The following PPARG variants were observed in gnomAD, a reference collection of about 807,000 sequenced individuals.
The protein encoded by PPARG is peroxisome proliferator activated receptor gamma.
Under a neutral mutation model 39.2 loss-of-function variants are expected in PPARG, and 17 were observed. The observed-to-expected ratio is 0.43, with a 90% CI of 0.30 to 0.65. The LOEUF is 0.65. Among genes scored for constraint, PPARG ranks in the 30% least tolerant of loss-of-function variants. PPARG has a pLI of 0.13. For missense variants in PPARG, 406 were observed against 585.9 expected (o/e 0.69, Z 3.17); for synonymous variants, 223 against 215.7 (o/e 1.03, Z -0.30).
At chr3:12,401,291 GATAGAA>G (rs2050459873) in intron 5 of PPARG, among the ~76,000 whole-genome samples, 3 of 152,256 alleles carry the variant, frequency 2.0e-5, no homozygotes, top group Middle Eastern at 6.8e-3. Context: ...AAGATGGAAA[GATAGAA>G]ATAGAGATAG....
intron 2 of PPARG, among the ~76,000 whole-genome samples, chr3:12,321,681 G>A (rs929537864): frequency 2.0e-5 from 3 of 151,974 alleles, no homozygotes; most frequent in African/African-American, 7.3e-5. Flanking sequence ...CTCTGTGGTC[G>A]GCCCAGCCTA....
rs144494451 is a variant in PPARG at position 12,338,277 on chromosome 3, C to T, written c.-9+25824C>T. 2.0e-5 allele frequency among the ~76,000 whole-genome samples: 3 copies of T among 152,318 alleles called. No homozygotes were observed. The East Asian group carries it at 5.8e-4, about 29-fold the overall frequency. The stretch of plus-strand genomic sequence containing the variant: ...TAATAAATGTTTTGTAACCATGACA[C>T]TGATGAGCTGTGTTTTAGACCTAGC... On this transcript the variant is annotated intron_variant, in intron 2 of 7. Coordinates refer to ENST00000651735, the MANE Select transcript of PPARG (RefSeq NM_138711.6).
At chr3:12,346,643 C>CT (rs930351699) in intron 2 of PPARG, among the ~76,000 whole-genome samples, 8 of 149,330 alleles carry the variant, frequency 5.4e-5, no homozygotes, top group Non-Finnish European at 8.9e-5. Flanking sequence ...TTATTGGCTT[C>CT]TTTTTTTTTA....
At chr3:12,292,516 A>G (rs2046672548) in intron 1 of PPARG, among the ~76,000 whole-genome samples, 1 of 152,226 alleles carries the variant, frequency 6.6e-6, no homozygotes, top group Non-Finnish European at 1.5e-5. Flanking sequence ...AGCACTCACC[A>G]AAAAATAGTG....
At chr3:12,430,114 T>C (rs942003179) in intron 7 of PPARG, among the ~76,000 whole-genome samples, 1 of 152,234 alleles carries the variant, frequency 6.6e-6, no homozygotes, top group Non-Finnish European at 1.5e-5. Flanking sequence ...CACTCTGCCA[T>C]CTCACATTGT....
chr3:12,323,086 G>C (rs1253166015), intron 2 of PPARG, among the ~76,000 whole-genome samples: 2 of 152,124 alleles, frequency 1.3e-5, no homozygotes, highest in Non-Finnish European at 1.5e-5. Context: ...GATTATGGGC[G>C]TGAGCCACTG....
At chr3:12,367,997 CT>C (rs1322463655) in intron 2 of PPARG, among the ~76,000 whole-genome samples, 3 of 151,882 alleles carry the variant, frequency 2.0e-5, no homozygotes, top group South Asian at 2.1e-4. Flanking sequence ...AAATTTGCAT[CT>C]AAAGATACAT....
At chr3:12,366,523 A>C (rs111502192) in intron 2 of PPARG, among the ~76,000 whole-genome samples, 7 of 152,192 alleles carry the variant, frequency 4.6e-5, no homozygotes, top group African/African-American at 1.7e-4. Context: ...CTTATTCCTA[A>C]TCTTAGTGGG....
chr3:12,347,080 G>A (rs905237841), intron 2 of PPARG, among the ~76,000 whole-genome samples: 7 of 152,030 alleles, frequency 4.6e-5, no homozygotes, highest in African/African-American at 1.7e-4. Flanking sequence ...ATACACGAGA[G>A]ACTGAGGCAG....
chr3:12,369,091 A>T (rs1215758011), intron 2 of PPARG, among the ~76,000 whole-genome samples: 1 of 152,210 alleles, frequency 6.6e-6, no homozygotes, highest in East Asian at 1.9e-4. Context: ...CTTTCAGTGA[A>T]GAAGAGATAC....
At chr3:12,358,115 G>A (rs546881359) in intron 2 of PPARG, among the ~76,000 whole-genome samples, 52 of 152,282 alleles carry the variant, frequency 3.4e-4, no homozygotes, top group African/African-American at 1.1e-3. Flanking sequence ...TAGTTAATTT[G>A]CACCGTGTCC....
At chr3:12,432,018 A>G (rs908352157) in intron 7 of PPARG, among the ~76,000 whole-genome samples, 1 of 152,246 alleles carries the variant, frequency 6.6e-6, no homozygotes, top group Non-Finnish European at 1.5e-5. Flanking sequence ...CTTTATTCCA[A>G]TATAAATTAC....
At chr3:12,390,236 T>C (rs2050020496) in intron 4 of PPARG, among the ~76,000 whole-genome samples, 1 of 152,166 alleles carries the variant, frequency 6.6e-6, no homozygotes, top group South Asian at 2.1e-4. Flanking sequence ...GGAGTGTACA[T>C]TGGTAGCCAC....
At position 12,330,302 on chromosome 3, in the gene PPARG, T is replaced by TTAA. The variant is rs371742787; in HGVS notation, c.-9+17849_-9+17850insTAA. On this transcript the variant is annotated intron_variant, in intron 2 of 7. Transcript: ENST00000651735. ...TCTACATTGCTACAACACCTTTTTT[T>TTAA]AAAAAAAAAAAAAAAAAAAAAGCTG... Among the ~76,000 whole-genome samples the TTAA allele has an allele frequency of 3.9e-3, 471 of 121,052 alleles. 3 individuals are homozygous for TTAA. Among genetic ancestry groups the TTAA allele is most frequent in the South Asian group, 9.2e-3 (32 of 3,494 alleles). The allele number at this position is 121,052 out of a possible 152,430, so 79.4% of individuals were successfully genotyped here.
At chr3:12,303,789 A>G (rs1430418074) in intron 1 of PPARG, among the ~76,000 whole-genome samples, 1 of 152,234 alleles carries the variant, frequency 6.6e-6, no homozygotes, top group African/African-American at 2.4e-5. Flanking sequence ...ATCATCTCTC[A>G]AGAAGTCTTG....
At position 12,326,814 on chromosome 3, in the gene PPARG, A is replaced by G. The variant is rs141580587; in HGVS notation, c.-9+14361A>G. ...ACTGATCAAGACCAACCAAGTATTC[A>G]GACAAGATCGGGCGTGTTCAGGGTG... is the stretch of plus-strand genomic sequence containing the variant. On this transcript the variant is annotated intron_variant, in intron 2 of 7. Coordinates refer to ENST00000651735, the MANE Select transcript of PPARG (RefSeq NM_138711.6). Among the ~76,000 whole-genome samples the G allele has an allele frequency of 7.2e-4, 109 of 152,326 alleles. 1 individual carries two copies. The East Asian group carries it at 0.019, about 26-fold the overall frequency.
Position 12,381,340 on chromosome 3 carries a change from C to G in PPARG, c.239C>G (p.Pro80Arg). 6.2e-7 allele frequency: 1 copy of G among 1,613,220 alleles called. No individual in the cohort carries two copies. Among genetic ancestry groups the G allele is most frequent in the Non-Finnish European group, 8.5e-7 (1 of 1,179,594 alleles). The change falls in exon 4 of 8, where the codon CCT (proline) becomes CGT (arginine). Residue 80 changes from proline to arginine, a missense_variant. Around this residue, in one of 2 missense-constraint regions of PPARG, gnomAD observed 131 missense variants for 127.9 expected, o/e 1.02. Coordinates refer to ENST00000651735, the MANE Select transcript of PPARG (RefSeq NM_138711.6). ...TACACAGGTGCAATCAAAGTGGAGC[C>G]TGCATCTCCACCTTATTATTCTGAG... ...QEYQSAIKVEPASPPYYSEKT... is the reference protein window; with the variant it reads ...QEYQSAIKVERASPPYYSEKT...
chr3:12,416,530 T>G (rs2051062109), intron 6 of PPARG, among the ~76,000 whole-genome samples, 174 bp from the exon 7 acceptor site: 1 of 152,202 alleles, frequency 6.6e-6, no homozygotes, highest in South Asian at 2.1e-4. Flanking sequence ...TCCCAGAAGA[T>G]AATTAAGATG....
chr3:12,361,084 T>C (rs1306096005), intron 2 of PPARG, among the ~76,000 whole-genome samples: 2 of 152,224 alleles, frequency 1.3e-5, no homozygotes, highest in African/African-American at 4.8e-5. Flanking sequence ...CTCTGTCTTT[T>C]TCACGTTAGC....
Sources: gnomAD v4.1 joint callset for allele counts (sites outside exome capture counted in the v4.1 genomes callset) on GRCh38, gnomAD v4.1.1 for gene constraint, gnomAD v4.1.1 regional missense constraint, MANE v1.5 for transcripts, NCBI Gene and HGNC (gene_info 2026-07-23, HGNC 2026-07-21) for gene names.